Variants in CSMD1 observed in about 807,000 individuals in gnomAD.
CSMD1 encodes the protein CUB and sushi domain-containing protein 1.
In CSMD1, 213 loss-of-function variants were observed where a neutral mutation model predicts 417.5. The ratio of observed to expected loss-of-function variants is 0.51; its 90% CI spans 0.46 to 0.57. The LOEUF is 0.57. Ranked by LOEUF, CSMD1 falls within the 20% of genes least tolerant of loss-of-function variation. CSMD1 has a pLI of 0.00. For missense variants in CSMD1, 6,923 were observed against 4,529.7 expected (o/e 1.53, Z -15.17); for synonymous variants, 2,862 against 1,736.8 (o/e 1.65, Z -16.11).
intron 1 of CSMD1, among the ~76,000 whole-genome samples, chr8:4,807,372 G>C (rs773255285): frequency 6.6e-5 from 10 of 152,124 alleles, no homozygotes; most frequent in Non-Finnish European, 1.5e-4. Flanking sequence ...ACTCTCCTGA[G>C]CTTCCCTCAC....
chr8:3,288,922 C>G (rs535355118), intron 25 of CSMD1, among the ~76,000 whole-genome samples: 1 of 146,810 alleles, frequency 6.8e-6, no homozygotes, highest in South Asian at 2.1e-4. Flanking sequence ...GTGTGCTACA[C>G]CCATTAACTC....
Position 4,943,109 on chromosome 8 carries a change from A to G in CSMD1, c.85+51223T>C, listed in dbSNP as rs905055977. ...AGACAATGACTCCATAGATTTTACA[A>G]TTTGAAGGAATTAGTGGAGGATTAA... is the stretch of plus-strand genomic sequence containing the variant. On this transcript the variant is annotated intron_variant, in intron 1 of 69. Coordinates refer to ENST00000635120, the MANE Select transcript of CSMD1 (RefSeq NM_033225.6). Among the ~76,000 whole-genome samples the G allele has an allele frequency of 2.0e-4, 30 of 152,284 alleles. No homozygotes were observed. The Middle Eastern group carries it at 0.01, about 52-fold the overall frequency.
At chr8:4,031,760 T>A in intron 4 of CSMD1, 145 bp downstream of exon 4, 1 of 550,724 alleles carries the variant, frequency 1.8e-6, no homozygotes, top group East Asian at 2.9e-5. Flanking sequence ...CATGTAATAT[T>A]GCTTTCAGGA....
intron 5 of CSMD1, among the ~76,000 whole-genome samples, chr8:3,853,891 A>AAAG (rs1563147014): frequency 5.7e-4 from 83 of 144,920 alleles, no homozygotes; most frequent in African/African-American, 1.9e-3. Context: ...TTAATATATT[A>AAAG]TACTTTAATA....
At chr8:4,954,387 T>A (rs1301301007) in intron 1 of CSMD1, among the ~76,000 whole-genome samples, 1 of 152,178 alleles carries the variant, frequency 6.6e-6, no homozygotes, top group Non-Finnish European at 1.5e-5. Context: ...TGTGATTGTT[T>A]TCTGATTGAA....
chr8:4,725,148 C>A (rs1428491077), intron 1 of CSMD1, among the ~76,000 whole-genome samples: 1 of 151,880 alleles, frequency 6.6e-6, no homozygotes, highest in Non-Finnish European at 1.5e-5. Flanking sequence ...TAAAAGTGTA[C>A]CTTTTATAAA....
At chr8:4,648,703 G>A (rs1405689756) in intron 1 of CSMD1, among the ~76,000 whole-genome samples, 1 of 152,080 alleles carries the variant, frequency 6.6e-6, no homozygotes, top group East Asian at 1.9e-4. Context: ...TTACAGTTGT[G>A]CTTTTCCTCA....
intron 6 of CSMD1, among the ~76,000 whole-genome samples, chr8:3,743,422 G>A (rs181715332): frequency 1.3e-5 from 2 of 152,330 alleles, no homozygotes; most frequent in Non-Finnish European, 2.9e-5. Context: ...TTAGGATGGT[G>A]TTAGAAAATA....
chr8:3,497,812 G>C (rs1243393332), intron 10 of CSMD1, among the ~76,000 whole-genome samples: 6 of 152,064 alleles, frequency 3.9e-5, no homozygotes, highest in East Asian at 1.9e-4. Flanking sequence ...TTCTCTTCTT[G>C]GTTATTTTTG....
intron 3 of CSMD1, among the ~76,000 whole-genome samples, chr8:4,274,769 T>G (rs1029993261): frequency 1.3e-5 from 2 of 152,152 alleles, no homozygotes; most frequent in African/African-American, 4.8e-5. Context: ...ACGGGATTAT[T>G]AGAATTTTTT....
At chr8:2,981,697 G>A (rs1364463409) in intron 54 of CSMD1, among the ~76,000 whole-genome samples, 1 of 152,200 alleles carries the variant, frequency 6.6e-6, no homozygotes, top group Non-Finnish European at 1.5e-5. Flanking sequence ...CAGCCCAGCA[G>A]GGAGAAGTTC....
intron 2 of CSMD1, among the ~76,000 whole-genome samples, chr8:4,436,289 T>C (rs1402465137): frequency 6.6e-6 from 1 of 152,270 alleles, no homozygotes; most frequent in Admixed American, 6.5e-5. Context: ...TATTGTGGTG[T>C]TTTTTTCATC....
chr8:3,575,087 C>T (rs757838027), intron 9 of CSMD1, 21 bp from the exon 10 acceptor site: 137 of 1,608,040 alleles, frequency 8.5e-5, no homozygotes, highest in Non-Finnish European at 1.0e-4. Flanking sequence ...ATAGAAACGA[C>T]GTTATTTTCT....
At chr8:4,349,689 C>T (rs1179129971) in intron 3 of CSMD1, among the ~76,000 whole-genome samples, 1 of 152,110 alleles carries the variant, frequency 6.6e-6, no homozygotes, top group Non-Finnish European at 1.5e-5. Context: ...TGGCCAATTT[C>T]TATCATACCT....
At chr8:3,708,757 A>G (rs1380401461) in intron 6 of CSMD1, among the ~76,000 whole-genome samples, 1 of 152,146 alleles carries the variant, frequency 6.6e-6, no homozygotes, top group Non-Finnish European at 1.5e-5. Context: ...TACACATCCA[A>G]TCCTATTTAC....
At position 3,592,951 on chromosome 8, in the gene CSMD1, G is replaced by C. The variant is rs189273634; in HGVS notation, c.1098-6691C>G. On this transcript the variant is annotated intron_variant, in intron 8 of 69. Transcript: ENST00000635120. Reference sequence around the variant, plus strand: ...ATCGATGAGTTGCCCAAACAGCAAAGGTGGTGGCCTGGCCCTCCCCGCAGG... The same window carrying C: ...ATCGATGAGTTGCCCAAACAGCAAACGTGGTGGCCTGGCCCTCCCCGCAGG... Among the ~76,000 whole-genome samples the C allele has an allele frequency of 4.6e-5, 7 of 152,280 alleles. No homozygotes were observed. The East Asian group carries it at 1.4e-3, about 29-fold the overall frequency.
intron 3 of CSMD1, among the ~76,000 whole-genome samples, chr8:4,400,702 A>G (rs953922883): frequency 6.7e-6 from 1 of 149,270 alleles, no homozygotes; most frequent in Admixed American, 6.7e-5. Flanking sequence ...TTTTTTTCAG[A>G]TTTTTTAATG....
At chr8:4,000,687 A>T (rs1351708644) in intron 4 of CSMD1, among the ~76,000 whole-genome samples, 1 of 152,056 alleles carries the variant, frequency 6.6e-6, no homozygotes, top group East Asian at 2.0e-4. Context: ...CTATATAAAC[A>T]TATCACACAC....
intron 1 of CSMD1, among the ~76,000 whole-genome samples, chr8:4,953,699 T>A (rs1204561523): frequency 6.6e-6 from 1 of 152,232 alleles, no homozygotes; most frequent in African/African-American, 2.4e-5. Context: ...TATGCTATTT[T>A]TACATGTTGC....
Sources: allele counts gnomAD v4.1 joint callset (sites outside exome capture counted in the v4.1 genomes callset), GRCh38; gene constraint gnomAD v4.1.1; transcripts MANE v1.5; gene names NCBI Gene and HGNC (gene_info 2026-07-23, HGNC 2026-07-21).